HTR2C: variants seen among roughly 807,000 people sequenced by gnomAD.
The protein encoded by HTR2C is 5-hydroxytryptamine (serotonin) receptor 2C, G protein-coupled.
HTR2C carries 5 observed loss-of-function variants against 21.0 expected under a neutral mutation model. The ratio of observed to expected loss-of-function variants is 0.24; its 90% CI spans 0.12 to 0.50. The LOEUF is 0.50. Ranked by LOEUF, HTR2C falls within the 20% of genes least tolerant of loss-of-function variation. The pLI, the probability that HTR2C is intolerant of heterozygous loss-of-function variation, is 0.98. For missense variants in HTR2C, 271 were observed against 371.2 expected, an observed-to-expected ratio of 0.73 and a Z score of 2.22; for synonymous variants, 150 against 145.3, an observed-to-expected ratio of 1.03 and a Z score of -0.23.
intron 5 of HTR2C, among the ~76,000 whole-genome samples, chrX:114,901,854 A>AATTT (rs1216905416): frequency 9.0e-6 from 1 of 111,589 alleles, no homozygotes; most frequent in Non-Finnish European, 1.9e-5. Flanking sequence ...TCCACCTAAT[A>AATTT]ATTTATTTTT....
chrX:114,795,293 A>C (rs1556444902), intron 4 of HTR2C, among the ~76,000 whole-genome samples: 2 of 110,124 alleles, frequency 1.8e-5, no homozygotes, highest in Non-Finnish European at 3.8e-5. Flanking sequence ...GGTTGCAAAA[A>C]TTTTCTCCCA....
intron 1 of HTR2C, among the ~76,000 whole-genome samples, chrX:114,593,157 C>G (rs973903225): frequency 8.9e-6 from 1 of 112,287 alleles, no homozygotes; most frequent in Non-Finnish European, 1.9e-5. Context: ...AAAAAGTCAT[C>G]TAGGTTACAC....
At position 114,812,113 on chromosome X, in the gene HTR2C, A is replaced by G. The variant is rs2070537810; in HGVS notation, c.350-35890A>G. The stretch of plus-strand genomic sequence containing the variant: ...TCTCTCCCCCTACCCACCCCCCACA[A>G]CAGGACCCAGTGTGTGTTTTTCCCT... On this transcript the variant is annotated intron_variant, in intron 4 of 5. Coordinates refer to ENST00000276198, the MANE Select transcript of HTR2C (RefSeq NM_000868.4). Among the ~76,000 whole-genome samples the G allele has an allele frequency of 2.8e-5, 3 of 107,693 alleles. No homozygotes were observed. In the South Asian group the frequency reaches 1.3e-3, roughly 45 times the overall value. 93.5% of individuals were successfully genotyped at this position (107,693 alleles called of 115,157 possible). A position where few individuals can be genotyped will look rare whatever the true frequency, so the allele number is the denominator to read the frequency against.
At chrX:114,798,955 A>G (rs1394070430) in intron 4 of HTR2C, among the ~76,000 whole-genome samples, 4 of 110,304 alleles carry the variant, frequency 3.6e-5, no homozygotes, top group Non-Finnish European at 7.6e-5. Flanking sequence ...CCCAGAGCGC[A>G]CACACACACA....
chrX:114,882,145 G>T (rs995267317), intron 5 of HTR2C, among the ~76,000 whole-genome samples: 2 of 109,240 alleles, frequency 1.8e-5, no homozygotes, highest in African/African-American at 6.6e-5. Flanking sequence ...TTAATTTTTG[G>T]ATTGTTCATT....
At chrX:114,811,608 C>T (rs1489347605) in intron 4 of HTR2C, among the ~76,000 whole-genome samples, 1 of 112,325 alleles carries the variant, frequency 8.9e-6, no homozygotes, top group African/African-American at 3.2e-5. Flanking sequence ...TGCATGCACT[C>T]GTTACAAAGA....
At chrX:114,893,880 G>A (rs1556483389) in intron 5 of HTR2C, among the ~76,000 whole-genome samples, 1 of 111,819 alleles carries the variant, frequency 8.9e-6, no homozygotes, top group Non-Finnish European at 1.9e-5. Context: ...GAAAAATCTT[G>A]AACACTTTAT....
chrX:114,714,914 G>T (rs1373620332), intron 2 of HTR2C, among the ~76,000 whole-genome samples: 2 of 111,460 alleles, frequency 1.8e-5, no homozygotes, highest in Non-Finnish European at 3.8e-5. Context: ...AACGGCTAGG[G>T]TGTTGAATGA....
chrX:114,723,482 AT>A (rs1229464347), intron 2 of HTR2C, among the ~76,000 whole-genome samples: 5 of 110,819 alleles, frequency 4.5e-5, no homozygotes, highest in African/African-American at 6.6e-5. Flanking sequence ...GGATTCAATA[AT>A]TTTTTGAAGG....
In HTR2C at chrX:114,616,181, G is replaced by A. The variant is rs1928940570; in HGVS notation, c.-80+2300G>A. On this transcript the variant is annotated intron_variant, in intron 2 of 5. Coordinates refer to ENST00000276198, the MANE Select transcript of HTR2C (RefSeq NM_000868.4). Reference sequence around the variant, plus strand: ...TACTGTAAATAGAAGAGTACCAAGAGTTTTATTGTAATGTGTATACATCTA... The same window carrying A: ...TACTGTAAATAGAAGAGTACCAAGAATTTTATTGTAATGTGTATACATCTA... 2.7e-5 allele frequency among the ~76,000 whole-genome samples: 3 copies of A among 110,263 alleles called. No individual in the cohort carries two copies. In the South Asian group the frequency reaches 1.2e-3, roughly 42 times the overall value.
chrX:114,653,446 G>A (rs183135152), intron 2 of HTR2C, among the ~76,000 whole-genome samples: 84 of 110,268 alleles, frequency 7.6e-4, no homozygotes, highest in African/African-American at 2.6e-3. Context: ...ATTTCATCAG[G>A]TTAGGGAGAG....
intron 5 of HTR2C, among the ~76,000 whole-genome samples, chrX:114,899,783 G>T (rs781870318): frequency 4.5e-5 from 5 of 111,311 alleles, no homozygotes; most frequent in African/African-American, 1.6e-4. Context: ...TCCTCTCTGT[G>T]AGTGCCGTGG....
At chrX:114,776,675 C>T (rs1232469625) in intron 4 of HTR2C, 2 of 488,732 alleles carry the variant, frequency 4.1e-6, no homozygotes, top group African/African-American at 4.7e-5. Flanking sequence ...GGTTCAGTTT[C>T]CCTGATCATT....
chrX:114,659,908 A>C (rs1381129017), intron 2 of HTR2C, among the ~76,000 whole-genome samples: 1 of 111,356 alleles, frequency 9.0e-6, no homozygotes, highest in Non-Finnish European at 1.9e-5. Flanking sequence ...CACCATTTTT[A>C]CAATTTTTCT....
intron 4 of HTR2C, among the ~76,000 whole-genome samples, chrX:114,739,801 G>A (rs1556425055): frequency 9.0e-6 from 1 of 111,604 alleles, no homozygotes; most frequent in Non-Finnish European, 1.9e-5. Flanking sequence ...TAGGCAATTT[G>A]GATTTTTTAA....
At position 114,615,771 on chromosome X, in the gene HTR2C, G is replaced by C. The variant is rs185169053; in HGVS notation, c.-80+1890G>C. 5.4e-5 allele frequency among the ~76,000 whole-genome samples: 6 copies of C among 111,634 alleles called. No individual in the cohort carries two copies. The Admixed American group carries it at 5.7e-4, about 11-fold the overall frequency. ...CACAACTCCATAGTGAGTACTCCTT[G>C]CTTCTCTCCCAGGCCTGTGCACCCC... is the stretch of plus-strand genomic sequence containing the variant. On this transcript the variant is annotated intron_variant, in intron 2 of 5. Coordinates refer to ENST00000276198, the MANE Select transcript of HTR2C (RefSeq NM_000868.4).
chrX:114,601,935 T>A (rs1341062118), intron 1 of HTR2C, among the ~76,000 whole-genome samples: 1 of 96,565 alleles, frequency 1.0e-5, no homozygotes, highest in South Asian at 5.5e-4. Context: ...GTGGGGATGT[T>A]AGAAGAAACA....
intron 2 of HTR2C, among the ~76,000 whole-genome samples, chrX:114,622,242 C>T (rs1929196201): frequency 9.0e-6 from 1 of 111,449 alleles, no homozygotes; most frequent in African/African-American, 3.3e-5. Flanking sequence ...TCCCCAGATG[C>T]CTCAGTGTCT....
chrX:114,589,629 G>A (rs1409513454), intron 1 of HTR2C: 2 of 183,198 alleles, frequency 1.1e-5, no homozygotes, highest in East Asian at 2.8e-4. Context: ...CATGGTGAAT[G>A]TTCCTAAAAC....
Sources: allele counts gnomAD v4.1 joint callset (sites outside exome capture counted in the v4.1 genomes callset), GRCh38; gene constraint gnomAD v4.1.1; transcripts MANE v1.5; gene names NCBI Gene and HGNC (gene_info 2026-07-23, HGNC 2026-07-21).